The following YEATS2 variants were observed in gnomAD, a reference collection of about 807,000 sequenced individuals.
YEATS2 encodes the protein YEATS domain-containing protein 2.
In YEATS2, 77 loss-of-function variants were observed where a neutral mutation model predicts 163.2. The observed-to-expected ratio is 0.47, with a 90% CI of 0.39 to 0.57. The LOEUF (loss-of-function observed/expected upper bound fraction) is 0.57, where lower values mean the gene tolerates loss of function less well. YEATS2 is among the 20% of genes least tolerant of loss of function. YEATS2 has a pLI of 0.00. For missense variants in YEATS2, 1,549 were observed against 1,729.8 expected (o/e 0.90, Z 1.85); for synonymous variants, 631 against 645.1 (o/e 0.98, Z 0.33).
chr3:183,800,409 C>A, intron 23 of YEATS2, 57 bp from the exon 24 acceptor site: 1 of 1,285,024 alleles, frequency 7.8e-7, no homozygotes, highest in Non-Finnish European at 1.1e-6. Context: ...TGTGCCTGCA[C>A]GTGTCCTTCC....
chr3:183,808,056 A>G lies in YEATS2; in HGVS notation c.4038A>G (p.Ala1346=), dbSNP rs988069470. 9.6e-6 allele frequency: 15 copies of G among 1,563,302 alleles called. No individual in the cohort carries two copies. Among genetic ancestry groups the G allele is most frequent in the Non-Finnish European group, 1.2e-5 (14 of 1,153,184 alleles). ...TTGGGATCACCCTGCAGCCCGTGGC[A>G]CTCCACAGGAACGTGTATGCGTCCG... ...QKIGITLQPV[A]LHRNVYASVV... is the part of the protein sequence containing the mutation. Residue 1346 remains alanine (A), a synonymous_variant, in exon 29 of 31, where the codon GCA becomes GCG. Coordinates refer to ENST00000305135, the MANE Select transcript of YEATS2 (RefSeq NM_018023.5).
In YEATS2 at chr3:183,804,124, T is replaced by C. The variant is rs754600881; in HGVS notation, c.3720T>C (p.Pro1240=). The C allele has an allele frequency of 4.2e-5, 67 of 1,613,756 alleles. No individual in the cohort carries two copies. The Admixed American group carries it at 1.1e-3, about 27-fold the overall frequency. The change falls in exon 27 of 31, where the codon CCT becomes CCC. Residue 1240 remains proline, a synonymous_variant. Transcript: ENST00000305135. ...CRCHGYTPPD[P]ESLRNDGDSI... ...GTCATGGCTACACCCCACCGGACCCTGAGAGCCTGAGGAATGACGGGGACT... is the reference window on the plus strand; with the variant it reads ...GTCATGGCTACACCCCACCGGACCCCGAGAGCCTGAGGAATGACGGGGACT...
chr3:183,802,481 T>A (rs987853698), intron 25 of YEATS2: 19 of 92,678 alleles, frequency 2.1e-4, no homozygotes, highest in African/African-American at 3.2e-4. Flanking sequence ...AAAATCTCTC[T>A]TATATATGTG....
chr3:183,773,041 GTTGT>G (rs1412142385), intron 16 of YEATS2, among the ~76,000 whole-genome samples: 20 of 152,142 alleles, frequency 1.3e-4, no homozygotes, highest in African/African-American at 4.6e-4. Context: ...GTTACACTGT[GTTGT>G]TTAAGGAATA....
At chr3:183,780,443 C>T (rs992404027) in intron 19 of YEATS2, among the ~76,000 whole-genome samples, 7 of 152,180 alleles carry the variant, frequency 4.6e-5, no homozygotes, top group South Asian at 2.1e-4. Context: ...TATCACTTGG[C>T]GAGGCTTTCT....
At position 183,718,573 on chromosome 3, in the gene YEATS2, G is replaced by A; in HGVS notation, c.272G>A (p.Gly91Asp). Residue 91 changes from glycine to aspartate, a missense_variant, in exon 4 of 31, where the codon GGT becomes GAT. By Grantham distance (94) the Gly-to-Asp change is moderately conservative. Coordinates refer to ENST00000305135, the MANE Select transcript of YEATS2 (RefSeq NM_018023.5). ...GTAGCAAACTACTATGCTTCTGCAG[G>A]TCTTCTAAAAGTTTCTGAGGTAAGC... ...CIVANYYASA[G>D]LLKVSEGSKT... is the part of the protein sequence containing the mutation. 1 of 1,612,462 alleles carries A rather than the reference G, an allele frequency of 6.2e-7. No homozygotes were observed. Among genetic ancestry groups the A allele is most frequent in the Non-Finnish European group, 8.5e-7 (1 of 1,179,452 alleles).
intron 15 of YEATS2, among the ~76,000 whole-genome samples, chr3:183,765,821 C>T (rs830167): frequency 0.42 from 63,673 of 151,594 alleles, 14,066 homozygotes; most frequent in East Asian, 0.65. Flanking sequence ...GTGGTGTGCA[C>T]CTGTAATCCC....
intron 15 of YEATS2, among the ~76,000 whole-genome samples, chr3:183,767,385 A>AT (rs1722010795): frequency 8.3e-6 from 1 of 120,576 alleles, no homozygotes; most frequent in East Asian, 3.6e-4. Context: ...ACGCCCAGCT[A>AT]ATTTTTTTTT....
In YEATS2 at chr3:183,762,165, A is replaced by T. The variant is rs1259177639; in HGVS notation, c.1833A>T (p.Pro611=). The T allele has an allele frequency of 6.2e-7, 1 of 1,613,834 alleles. No individual in the cohort carries two copies. Among genetic ancestry groups the T allele is most frequent in the African/African-American group, 1.3e-5 (1 of 74,894 alleles). The part of the protein sequence containing the change: ...VPATGAASQS[P]LPQYVTVKGG... The stretch of plus-strand genomic sequence containing the variant: ...CAACAGGAGCTGCCAGCCAGTCACC[A>T]CTCCCGCAGTATGTGACTGTGAAAG... The change falls in exon 15 of 31, where the codon CCA becomes CCT. Residue 611 remains proline (P), a synonymous_variant. Coordinates refer to ENST00000305135, the MANE Select transcript of YEATS2 (RefSeq NM_018023.5).
chr3:183,799,991 C>T (rs1725514098), intron 23 of YEATS2, among the ~76,000 whole-genome samples: 1 of 151,954 alleles, frequency 6.6e-6, no homozygotes, highest in Non-Finnish European at 1.5e-5. Flanking sequence ...CGCCACCACG[C>T]CCGGCTAATT....
intron 7 of YEATS2, among the ~76,000 whole-genome samples, chr3:183,735,978 A>G (rs1718296433): frequency 6.6e-6 from 1 of 152,182 alleles, no homozygotes; most frequent in South Asian, 2.1e-4. Context: ...TTAATGATAT[A>G]TCAATTAAAT....
At chr3:183,723,372 A>G (rs1577060090) in intron 5 of YEATS2, among the ~76,000 whole-genome samples, 1 of 152,204 alleles carries the variant, frequency 6.6e-6, no homozygotes, top group African/African-American at 2.4e-5. Flanking sequence ...TACTTTCCAC[A>G]TACTTAGATG....
intron 1 of YEATS2, among the ~76,000 whole-genome samples, chr3:183,711,297 C>T (rs531711665): frequency 4.6e-5 from 7 of 151,748 alleles, no homozygotes; most frequent in South Asian, 2.1e-4. Flanking sequence ...AGTAAAACCC[C>T]GTCTCCACAA....
rs143473253 is a variant in YEATS2, at chr3:183,789,525, A to ATT, written c.2914-1245_2914-1244dup. 2.0e-3 allele frequency among the ~76,000 whole-genome samples: 130 copies of ATT among 66,346 alleles called. 14 individuals are homozygous for ATT. Among genetic ancestry groups the ATT allele is most frequent in the Middle Eastern group, 0.017 (1 of 58 alleles). The allele number at this position is 66,346 out of a possible 152,430, so 43.5% of individuals were successfully genotyped here. ...TTAGGTTTCAGATTCATTCGAGTTAATTTTTTTTTTTTTTTTTTTTTTTTT... is the reference window on the plus strand; with the variant it reads ...TTAGGTTTCAGATTCATTCGAGTTAATTTTTTTTTTTTTTTTTTTTTTTTTTT... On this transcript the variant is annotated intron_variant, in intron 20 of 30. Coordinates refer to ENST00000305135, the MANE Select transcript of YEATS2 (RefSeq NM_018023.5).
chr3:183,751,126 G>A (rs1280845112), intron 9 of YEATS2, among the ~76,000 whole-genome samples: 1 of 152,134 alleles, frequency 6.6e-6, no homozygotes, highest in Non-Finnish European at 1.5e-5. Flanking sequence ...TTGGTATATA[G>A]TGTAAGGTAA....
At chr3:183,802,504 T>TATATATATATACAC (rs1393616740) in intron 25 of YEATS2, 7 of 144,434 alleles carry the variant, frequency 4.8e-5, no homozygotes, top group South Asian at 2.1e-4. Context: ...TGTGTGTGTG[T>TATATATATATACAC]GTGTGTATAC....
chr3:183,798,964 C>T lies in YEATS2; in HGVS notation c.3300C>T (p.Ser1100=). Residue 1100 remains serine (S), a synonymous_variant, in exon 23 of 31, where the codon AGC becomes AGT. Coordinates refer to ENST00000305135, the MANE Select transcript of YEATS2 (RefSeq NM_018023.5). ...PVAAPTPVVP[S]SAPAAVAKVK... ...CTGCCCCAACTCCAGTTGTCCCCAGCTCTGCTCCAGCAGCTGTTGCAAAAG... is the reference window on the plus strand; with the variant it reads ...CTGCCCCAACTCCAGTTGTCCCCAGTTCTGCTCCAGCAGCTGTTGCAAAAG... 1 of 1,614,152 alleles carries T rather than the reference C, an allele frequency of 6.2e-7. No individual in the cohort carries two copies. Among genetic ancestry groups the T allele is most frequent in the Non-Finnish European group, 8.5e-7 (1 of 1,179,972 alleles).
chr3:183,698,827 A>G (rs142374408), intron 1 of YEATS2, among the ~76,000 whole-genome samples: 1 of 152,158 alleles, frequency 6.6e-6, no homozygotes, highest in Non-Finnish European at 1.5e-5. Context: ...TAATGAGTAG[A>G]GGGTATTCAG....
At chr3:183,703,020 T>C (rs1714266574) in intron 1 of YEATS2, among the ~76,000 whole-genome samples, 1 of 152,186 alleles carries the variant, frequency 6.6e-6, no homozygotes, top group African/African-American at 2.4e-5. Context: ...TATTAGCAAA[T>C]TGTGTAGTCT....
Sources: allele counts gnomAD v4.1 joint callset (sites outside exome capture counted in the v4.1 genomes callset), GRCh38; gene constraint gnomAD v4.1.1; transcripts MANE v1.5; gene names NCBI Gene and HGNC (gene_info 2026-07-23, HGNC 2026-07-21).